NEBL: variants seen among roughly 807,000 people sequenced by gnomAD.
NEBL encodes LIM and SH3 protein 2.
In NEBL, 122 loss-of-function variants were observed where a neutral mutation model predicts 140.2. That is an observed-to-expected ratio of 0.87 (90% CI 0.75 to 1.01). The LOEUF is 1.01. NEBL is among the 50% of genes least tolerant of loss of function. The pLI is 0.00. For synonymous variants in NEBL, 436 were observed against 398.9 expected (o/e 1.09, Z -1.11); for missense variants, 1,365 against 1,231.3 (o/e 1.11, Z -1.62).
chr10:21,259,459 A>C (rs113102120), intron 1 of NEBL, among the ~76,000 whole-genome samples: 2 of 151,982 alleles, frequency 1.3e-5, no homozygotes, highest in African/African-American at 4.8e-5. Flanking sequence ...AGGGTTTGGG[A>C]TGTTACTTCA....
chr10:21,239,577 C>G (rs956606094), intron 3 of NEBL, among the ~76,000 whole-genome samples: 8 of 152,118 alleles, frequency 5.3e-5, no homozygotes, highest in Non-Finnish European at 1.2e-4. Context: ...TCTGGGAGGT[C>G]TCTTCTTTGT....
At chr10:20,970,263 C>G (rs1239414660) in intron 3 of NEBL, among the ~76,000 whole-genome samples, 1 of 152,188 alleles carries the variant, frequency 6.6e-6, no homozygotes, top group East Asian at 1.9e-4. Context: ...ACTCACTCAT[C>G]ATAACTCAAC....
intron 13 of NEBL, among the ~76,000 whole-genome samples, chr10:20,839,738 C>T (rs1013272099): frequency 2.6e-5 from 4 of 152,090 alleles, no homozygotes; most frequent in African/African-American, 9.7e-5. Flanking sequence ...ATCCCAGACA[C>T]AATGATTATG....
intron 26 of NEBL, 62 bp from the exon 27 acceptor site, chr10:20,787,370 C>A: frequency 7.6e-7 from 1 of 1,315,638 alleles, no homozygotes; most frequent in South Asian, 1.2e-5. Context: ...ATACCCATCC[C>A]AAACCCTCAG....
chr10:21,091,302 A>G (rs1175133523), intron 2 of NEBL, among the ~76,000 whole-genome samples: 1 of 152,210 alleles, frequency 6.6e-6, no homozygotes, highest in Non-Finnish European at 1.5e-5. Flanking sequence ...TCCTGCCAGA[A>G]CATTTGAACT....
chr10:21,040,359 G>A (rs901218911), intron 2 of NEBL, among the ~76,000 whole-genome samples: 1 of 152,102 alleles, frequency 6.6e-6, no homozygotes, highest in African/African-American at 2.4e-5. Flanking sequence ...AAAGAAAGAG[G>A]GTTTATTTGG....
At chr10:20,875,705 C>A (rs1845432615) in intron 5 of NEBL, among the ~76,000 whole-genome samples, 1 of 152,112 alleles carries the variant, frequency 6.6e-6, no homozygotes, top group South Asian at 2.1e-4. Flanking sequence ...GAATGGCAGC[C>A]TTGCAGGAGT....
intron 2 of NEBL, among the ~76,000 whole-genome samples, chr10:21,097,327 C>T (rs921420670): frequency 5.3e-5 from 8 of 151,542 alleles, no homozygotes; most frequent in Non-Finnish European, 8.8e-5. Flanking sequence ...GGTATGGTGG[C>T]GGGCGCCTGT....
rs527867482 is a variant in NEBL at position 20,829,325 on chromosome 10, C to T, written c.1672-691G>A. Reference sequence around the variant, plus strand: ...ATTGGAAATCATCATTCTCAGTAAACTATTGCAAGAACAAAAAACCAAACA... The same window carrying T: ...ATTGGAAATCATCATTCTCAGTAAATTATTGCAAGAACAAAAAACCAAACA... On this transcript the variant is annotated intron_variant, in intron 16 of 27. Coordinates refer to ENST00000377122, the MANE Select transcript of NEBL (RefSeq NM_006393.3). 5.8e-3 allele frequency among the ~76,000 whole-genome samples: 878 copies of T among 151,522 alleles called. 8 individuals carry two copies. The highest frequency in any genetic ancestry group is 9.2e-3 in the Non-Finnish European group (623 of 67,970).
At position 20,868,644 on chromosome 10, in the gene NEBL, A is replaced by T. The variant is rs748302213; in HGVS notation, c.684+20T>A. 1 of 1,483,812 alleles carries T rather than the reference A, an allele frequency of 6.7e-7. No homozygotes were observed. Among genetic ancestry groups the T allele is most frequent in the Admixed American group, 1.7e-5 (1 of 59,840 alleles). 91.9% of individuals were successfully genotyped at this position (1,483,812 alleles called of 1,614,324 possible). ...AAATATCTGAATAAAGTCATTGTGG[A>T]ATCATCACTAAAGCCTTACTTGACT... On this transcript the variant is annotated intron_variant, in intron 7 of 27. Transcript: ENST00000377122.
At chr10:21,060,661 G>A (rs1274207708) in intron 2 of NEBL, among the ~76,000 whole-genome samples, 1 of 151,528 alleles carries the variant, frequency 6.6e-6, no homozygotes, top group Non-Finnish European at 1.5e-5. Flanking sequence ...TCTCTTCCCT[G>A]TATGCAAAAC....
chr10:21,268,671 G>C (rs552215275), intron 1 of NEBL, among the ~76,000 whole-genome samples: 6 of 151,696 alleles, frequency 4.0e-5, no homozygotes, highest in Non-Finnish European at 5.9e-5. Flanking sequence ...TTACAGACAC[G>C]TGCCACCATG....
intron 3 of NEBL, among the ~76,000 whole-genome samples, chr10:21,012,677 T>G (rs926750321): frequency 6.6e-6 from 1 of 152,160 alleles, no homozygotes; most frequent in Non-Finnish European, 1.5e-5. Context: ...CCAGCCTGAT[T>G]TAATACTTTT....
At position 20,781,990 on chromosome 10, in the gene NEBL, T is replaced by C. The variant is rs1835064717; in HGVS notation, c.*3757A>G. The C allele has an allele frequency of 6.6e-6, 1 of 152,614 alleles. No individual in the cohort carries two copies. Among genetic ancestry groups the C allele is most frequent in the Admixed American group, 6.6e-5 (1 of 15,264 alleles). The allele number at this position is 152,614 out of a possible 1,614,324, so 9.5% of individuals were successfully genotyped here. On this transcript the variant is annotated 3_prime_UTR_variant, in exon 28 of 28. Transcript: ENST00000377122. ...TGTAGTGAATCCAGCCTCACAATTA[T>C]TCTATCTTACAATAGGCATTTTAAA...
chr10:20,870,306 A>G lies in NEBL; in HGVS notation c.481-465T>C, dbSNP rs918454427. ...GCACCACTGCATTCCAAACTGGGCA[A>G]AAGAGTGGGACTTTATCTCAAAAAA... On this transcript the variant is annotated intron_variant, in intron 5 of 27. Coordinates refer to ENST00000377122, the MANE Select transcript of NEBL (RefSeq NM_006393.3). 4.2e-5 allele frequency among the ~76,000 whole-genome samples: 6 copies of G among 144,162 alleles called. No individual in the cohort carries two copies. In the East Asian group the frequency reaches 7.9e-4, roughly 19 times the overall value. The allele number at this position is 144,162 out of a possible 152,430, so 94.6% of individuals were successfully genotyped here.
intron 2 of NEBL, among the ~76,000 whole-genome samples, chr10:21,155,977 A>T (rs1420800947): frequency 6.6e-6 from 1 of 152,210 alleles, no homozygotes; most frequent in Admixed American, 6.5e-5. Flanking sequence ...CAAAAGCAAT[A>T]TTGGGAACAG....
At chr10:20,851,678 G>A (rs1033718664) in intron 10 of NEBL, among the ~76,000 whole-genome samples, 1 of 151,536 alleles carries the variant, frequency 6.6e-6, no homozygotes, top group Non-Finnish European at 1.5e-5. Context: ...TCTGCTACTC[G>A]GGAGGCTGAG....
intron 24 of NEBL, among the ~76,000 whole-genome samples, chr10:20,812,225 T>C (rs565769499): frequency 1.3e-5 from 2 of 152,188 alleles, no homozygotes; most frequent in South Asian, 2.1e-4. Flanking sequence ...AAAACAATTA[T>C]TTTGTTTTTC....
chr10:21,184,290 A>T (rs939976564), intron 3 of NEBL, among the ~76,000 whole-genome samples: 5 of 152,218 alleles, frequency 3.3e-5, no homozygotes, highest in African/African-American at 1.2e-4. Flanking sequence ...GTCCTGTGGC[A>T]ATCAACAACA....
Sources: gnomAD v4.1 joint callset for allele counts (sites outside exome capture counted in the v4.1 genomes callset) on GRCh38, gnomAD v4.1.1 for gene constraint, MANE v1.5 for transcripts, NCBI Gene and HGNC (gene_info 2026-07-23, HGNC 2026-07-21) for gene names.